The following NLN variants were observed in gnomAD, a reference collection of about 807,000 sequenced individuals.
The protein encoded by NLN is neurolysin.
A neutral mutation model predicts 79.9 loss-of-function variants in NLN; 64 were observed. The observed-to-expected ratio is 0.80, with a 90% CI of 0.65 to 0.99. The LOEUF (loss-of-function observed/expected upper bound fraction) is 0.99, where lower values mean the gene tolerates loss of function less well. Among genes scored for constraint, NLN ranks in the 50% least tolerant of loss-of-function variants. The pLI is 0.00. For synonymous variants in NLN, 267 were observed against 296.6 expected (o/e 0.90, Z 1.02); for missense variants, 835 against 858.7 (o/e 0.97, Z 0.34).
intron 1 of NLN, among the ~76,000 whole-genome samples, chr5:65,752,537 A>C (rs1270977116): frequency 1.3e-5 from 2 of 152,224 alleles, no homozygotes; most frequent in East Asian, 1.9e-4. Context: ...GGTTCTCAAG[A>C]ATACAAGTGC....
intron 1 of NLN, among the ~76,000 whole-genome samples, chr5:65,748,513 A>C (rs1759034144): frequency 1.3e-5 from 2 of 152,138 alleles, no homozygotes; most frequent in African/African-American, 4.8e-5. Context: ...TAATCCCAGC[A>C]CTTTGGGAGG....
At chr5:65,802,809 T>C (rs1760317385) in intron 9 of NLN, among the ~76,000 whole-genome samples, 1 of 152,080 alleles carries the variant, frequency 6.6e-6, no homozygotes, top group Non-Finnish European at 1.5e-5. Context: ...GGATAGCTCC[T>C]CTCCACAGGT....
chr5:65,791,374 G>A (rs967005633), intron 8 of NLN, among the ~76,000 whole-genome samples: 3 of 152,184 alleles, frequency 2.0e-5, no homozygotes, highest in Middle Eastern at 3.4e-3. Flanking sequence ...CTTGGCCAAC[G>A]TGGGAAAACC....
intron 12 of NLN, among the ~76,000 whole-genome samples, chr5:65,820,974 C>CA (rs1760779863): frequency 6.8e-6 from 1 of 147,022 alleles, no homozygotes; most frequent in South Asian, 2.1e-4. Flanking sequence ...CCCTGGGAGG[C>CA]AGAGGTTGCA....
chr5:65,732,951 T>C, intron 1 of NLN: 1 of 556,406 alleles, frequency 1.8e-6, no homozygotes, highest in Non-Finnish European at 3.3e-6. Flanking sequence ...TGAAACAGGC[T>C]TCCCCATTGC....
rs944037486 is a variant in NLN, at chr5:65,806,011, G to A, written c.1528-3504G>A. 1.1e-4 allele frequency among the ~76,000 whole-genome samples: 17 copies of A among 152,024 alleles called. 1 individual carries two copies. The East Asian group carries it at 2.5e-3, about 22-fold the overall frequency. On this transcript the variant is annotated intron_variant, in intron 9 of 12. Transcript: ENST00000380985. Reference sequence around the variant, plus strand: ...TGTGCCCTATAAATGAAACAACAAAGCCTGGATGACAACACATCTGTTTAC... The same window carrying A: ...TGTGCCCTATAAATGAAACAACAAAACCTGGATGACAACACATCTGTTTAC...
At chr5:65,746,140 G>T (rs1419971756) in intron 1 of NLN, among the ~76,000 whole-genome samples, 1 of 152,068 alleles carries the variant, frequency 6.6e-6, no homozygotes, top group Non-Finnish European at 1.5e-5. Context: ...GAACAGGCAT[G>T]GTGTGCAAGA....
intron 12 of NLN, among the ~76,000 whole-genome samples, chr5:65,815,819 T>G (rs1377111361): frequency 1.3e-5 from 2 of 152,126 alleles, no homozygotes; most frequent in African/African-American, 4.8e-5. Flanking sequence ...AAAATAACAC[T>G]TGCCTTACAA....
At chr5:65,799,679 C>T (rs1298459467) in intron 9 of NLN, among the ~76,000 whole-genome samples, 1 of 152,174 alleles carries the variant, frequency 6.6e-6, no homozygotes, top group Non-Finnish European at 1.5e-5. Flanking sequence ...GGGAGCAAGC[C>T]TGTGAACTTA....
intron 12 of NLN, among the ~76,000 whole-genome samples, chr5:65,814,393 T>C (rs1397121712): frequency 6.6e-6 from 1 of 152,126 alleles, no homozygotes; most frequent in Non-Finnish European, 1.5e-5. Context: ...CCCTTAGGTC[T>C]CTCCACCTTC....
intron 3 of NLN, 156 bp from the exon 4 acceptor site, chr5:65,777,271 T>C (rs1579942457): frequency 1.7e-6 from 1 of 598,462 alleles, no homozygotes; most frequent in East Asian, 2.9e-5. Flanking sequence ...CACTAAAGTA[T>C]AAAAGAAATT....
chr5:65,812,136 A>T (rs1008378444), intron 11 of NLN, 119 bp from the exon 12 acceptor site: 2 of 799,644 alleles, frequency 2.5e-6, no homozygotes, highest in African/African-American at 3.4e-5. Flanking sequence ...TAGAGGTGAG[A>T]TCATGTCATT....
At chr5:65,798,601 A>G (rs1760217896) in intron 9 of NLN, among the ~76,000 whole-genome samples, 1 of 152,166 alleles carries the variant, frequency 6.6e-6, no homozygotes, top group Non-Finnish European at 1.5e-5. Flanking sequence ...CTGTCTCCCT[A>G]GCCCCAACTC....
chr5:65,789,133 TA>T (rs1486449387), intron 8 of NLN, among the ~76,000 whole-genome samples: 2 of 152,010 alleles, frequency 1.3e-5, no homozygotes, highest in Non-Finnish European at 2.9e-5. Context: ...ACCCTATCTC[TA>T]AAAAAATTAA....
chr5:65,788,541 A>G, intron 8 of NLN, 57 bp downstream of exon 8: 1 of 1,543,530 alleles, frequency 6.5e-7, no homozygotes, highest in South Asian at 1.2e-5. Context: ...GCCTACTTTA[A>G]GACTCTACTC....
rs1760928821 is a variant in NLN, at chr5:65,826,887, C to G, written c.*3972C>G. ...CGCCACTGCACTCCAGCCTGGGTGA[C>G]AGAGACCCTGTCTTAAAATAAAATA... On this transcript the variant is annotated 3_prime_UTR_variant, in exon 13 of 13. Transcript: ENST00000380985. The G allele has an allele frequency of 6.6e-6, 1 of 151,626 alleles. No homozygotes were observed. The highest frequency in any genetic ancestry group is 2.1e-4 in the South Asian group (1 of 4,812). 9.4% of individuals were successfully genotyped at this position (151,626 alleles called of 1,614,324 possible). A position where few individuals can be genotyped will look rare whatever the true frequency, so the allele number is the denominator to read the frequency against.
intron 1 of NLN, among the ~76,000 whole-genome samples, chr5:65,738,747 A>T (rs1758791810): frequency 6.6e-6 from 1 of 150,676 alleles, no homozygotes; most frequent in Admixed American, 6.7e-5. Flanking sequence ...AGCTGCTAGT[A>T]ACTACCTTTC....
chr5:65,758,729 C>G lies in NLN; in HGVS notation c.204C>G (p.Thr68=), dbSNP rs778888968. ...GAACTGAGGAGCTCATTGTGCAGAC[C>G]AAACAGGTGTACGATGCTGTTGGAA... is the stretch of plus-strand genomic sequence containing the variant. ...KTRTEELIVQ[T]KQVYDAVGML... Residue 68 remains threonine (T), a synonymous_variant, in exon 2 of 13, where the codon ACC becomes ACG. Transcript: ENST00000380985. The G allele has an allele frequency of 1.9e-5, 30 of 1,613,646 alleles. No homozygotes were observed. In the South Asian group the frequency reaches 3.2e-4, roughly 17 times the overall value.
chr5:65,814,502 A>G (rs963528320), intron 12 of NLN, among the ~76,000 whole-genome samples: 3 of 152,184 alleles, frequency 2.0e-5, no homozygotes, highest in South Asian at 2.1e-4. Context: ...TCTCACTCAC[A>G]TAACTGCATG....
Sources: gnomAD v4.1 joint callset for allele counts (sites outside exome capture counted in the v4.1 genomes callset) on GRCh38, gnomAD v4.1.1 for gene constraint, MANE v1.5 for transcripts, NCBI Gene and HGNC (gene_info 2026-07-23, HGNC 2026-07-21) for gene names.